NKAIN3: variants seen among roughly 807,000 people sequenced by gnomAD.
NKAIN3 encodes the protein sodium/potassium transporting ATPase interacting 3.
A neutral mutation model predicts 30.2 loss-of-function variants in NKAIN3; 25 were observed. The observed-to-expected ratio is 0.83, with a 90% confidence interval of 0.60 to 1.16. The LOEUF (loss-of-function observed/expected upper bound fraction) is 1.16. Among genes scored for constraint, NKAIN3 ranks in the 50% most tolerant of loss-of-function variants. NKAIN3 has a pLI of 0.00. For synonymous variants in NKAIN3, 91 were observed against 89.6 expected, an observed-to-expected ratio of 1.02 and a Z score of -0.09; for missense variants, 225 against 254.1, an observed-to-expected ratio of 0.89 and a Z score of 0.78.
At chr8:62,397,324 A>G (rs1246023512) in intron 1 of NKAIN3, among the ~76,000 whole-genome samples, 1 of 150,882 alleles carries the variant, frequency 6.6e-6, no homozygotes, top group Non-Finnish European at 1.5e-5. Flanking sequence ...TTTTGGTGGA[A>G]CAAAGATGTG....
At chr8:62,663,762 G>A (rs1475768686) in intron 3 of NKAIN3, among the ~76,000 whole-genome samples, 2 of 152,258 alleles carry the variant, frequency 1.3e-5, no homozygotes, top group South Asian at 2.1e-4. Flanking sequence ...CCAAGTGAAT[G>A]TTGTGGGACA....
chr8:62,401,032 T>TCTCTCTCTCTCTCTCTCC (rs1803850100), intron 1 of NKAIN3, among the ~76,000 whole-genome samples: 1 of 151,946 alleles, frequency 6.6e-6, no homozygotes, highest in Admixed American at 6.6e-5. Context: ...TCTCTCTCTC[T>TCTCTCTCTCTCTCTCTCC]CTCTCTACAT....
chr8:62,448,876 C>T (rs1207100964), intron 1 of NKAIN3, among the ~76,000 whole-genome samples: 1 of 151,790 alleles, frequency 6.6e-6, no homozygotes, highest in Non-Finnish European at 1.5e-5. Context: ...CAGCTTTTTT[C>T]CTTCTTTGGT....
Position 62,966,925 on chromosome 8 carries a change from ACT to A in NKAIN3, c.*1521_*1522del, listed in dbSNP as rs1260380842. Among the ~76,000 whole-genome samples, 1 of 151,958 alleles carries A rather than the reference ACT, an allele frequency of 6.6e-6. No individual in the cohort carries two copies. The highest frequency in any genetic ancestry group is 1.9e-4 in the East Asian group (1 of 5,198). ...TTTCGGAGCCTATAGGTTTCATGAG[ACT>A]CTGTTAAGAATCAGAGTTTAATGTG... is the stretch of plus-strand genomic sequence containing the variant. On this transcript the variant is annotated 3_prime_UTR_variant, in exon 7 of 7. Transcript: ENST00000623646.
At chr8:62,831,617 G>A (rs1819199710) in intron 4 of NKAIN3, among the ~76,000 whole-genome samples, 2 of 152,086 alleles carry the variant, frequency 1.3e-5, no homozygotes, top group South Asian at 4.1e-4. Context: ...AGACCAAGCA[G>A]AAGAAAGAAT....
chr8:62,326,539 C>CTATTAAATTATTATTTAATAAT (rs1288578283), intron 1 of NKAIN3, among the ~76,000 whole-genome samples: 56 of 151,606 alleles, frequency 3.7e-4, no homozygotes, highest in African/African-American at 4.8e-4. Context: ...GCAAAGCTCA[C>CTATTAAATTATTATTTAATAAT]TATTAAATTA....
In NKAIN3 at chr8:62,516,585, G is replaced by A. The variant is rs181641421; in HGVS notation, c.55-62954G>A. Among the ~76,000 whole-genome samples the A allele has an allele frequency of 1.8e-4, 27 of 152,158 alleles. No individual in the cohort carries two copies. In the East Asian group the frequency reaches 4.2e-3, roughly 24 times the overall value. On this transcript the variant is annotated intron_variant, in intron 1 of 6. Transcript: ENST00000623646. ...TATCAAATTTATATGTAAACTTGAG[G>A]AAAATTAAGATCTTTAAAGTGTGAA...
At chr8:62,258,046 T>A (rs1812314696) in intron 1 of NKAIN3, among the ~76,000 whole-genome samples, 1 of 152,106 alleles carries the variant, frequency 6.6e-6, no homozygotes, top group Admixed American at 6.6e-5. Flanking sequence ...TTTTATTTTA[T>A]TTTTTTACCT....
In NKAIN3 at chr8:62,966,193, G is replaced by A. The variant is rs77324155; in HGVS notation, c.*786G>A. On this transcript the variant is annotated 3_prime_UTR_variant, in exon 7 of 7. Coordinates refer to ENST00000623646, the MANE Select transcript of NKAIN3 (RefSeq NM_001304533.3). ...ACCTAAACATACAGCTCATGGGCTTGTGGGACAGAAATCACAAACATAGAC... is the reference window on the plus strand; with the variant it reads ...ACCTAAACATACAGCTCATGGGCTTATGGGACAGAAATCACAAACATAGAC... 1 of 985,174 alleles carries A rather than the reference G, an allele frequency of 1.0e-6. No individual in the cohort carries two copies. Among genetic ancestry groups the A allele is most frequent in the East Asian group, 1.1e-4 (1 of 8,802 alleles). 61.0% of individuals were successfully genotyped at this position (985,174 alleles called of 1,614,324 possible).
At chr8:62,362,965 T>A (rs1001630954) in intron 1 of NKAIN3, among the ~76,000 whole-genome samples, 1 of 152,134 alleles carries the variant, frequency 6.6e-6, no homozygotes, top group African/African-American at 2.4e-5. Flanking sequence ...CTCCCGAGAT[T>A]AAGGTAATGT....
intron 3 of NKAIN3, among the ~76,000 whole-genome samples, chr8:62,598,084 C>T (rs1364104742): frequency 6.6e-6 from 1 of 151,934 alleles, no homozygotes; most frequent in Non-Finnish European, 1.5e-5. Context: ...ATTATTTTTT[C>T]AGTTTCCTTA....
chr8:62,626,722 AATGAGACAGCAT>A (rs1811800650), intron 3 of NKAIN3, among the ~76,000 whole-genome samples: 1 of 152,122 alleles, frequency 6.6e-6, no homozygotes, highest in South Asian at 2.1e-4. Flanking sequence ...ATAAGTATTA[AATGAGACAGCAT>A]ATGTAAAGTG....
chr8:62,956,176 A>G (rs1823412727), intron 6 of NKAIN3, among the ~76,000 whole-genome samples: 1 of 152,006 alleles, frequency 6.6e-6, no homozygotes. Flanking sequence ...AGCCCGTTAT[A>G]TTGAATTCCA....
At chr8:62,855,070 T>C (rs1227525126) in intron 4 of NKAIN3, 1 of 153,174 alleles carries the variant, frequency 6.5e-6, no homozygotes, top group Non-Finnish European at 1.5e-5. Context: ...TTTTTTTGTT[T>C]GTTTGTTTGT....
intron 1 of NKAIN3, among the ~76,000 whole-genome samples, chr8:62,502,585 C>A (rs1807493646): frequency 6.6e-6 from 1 of 151,968 alleles, no homozygotes; most frequent in Non-Finnish European, 1.5e-5. Flanking sequence ...TTCCGACCTT[C>A]TTTTTCTTAA....
chr8:62,649,007 C>G (rs977319863), intron 3 of NKAIN3, among the ~76,000 whole-genome samples: 4 of 152,114 alleles, frequency 2.6e-5, no homozygotes, highest in Non-Finnish European at 5.9e-5. Context: ...TTAGAGCAAG[C>G]AGTTGATGAT....
chr8:62,799,528 C>T (rs1209246584), intron 4 of NKAIN3, among the ~76,000 whole-genome samples: 1 of 151,892 alleles, frequency 6.6e-6, no homozygotes, highest in African/African-American at 2.4e-5. Flanking sequence ...TGGACATAAT[C>T]AAAAAATCAA....
chr8:62,572,417 G>A (rs1809973350), intron 1 of NKAIN3, among the ~76,000 whole-genome samples: 1 of 152,124 alleles, frequency 6.6e-6, no homozygotes, highest in Non-Finnish European at 1.5e-5. Flanking sequence ...ACATCTTTCT[G>A]TGTTCTTTTG....
chr8:62,890,018 TC>T (rs1821256661), intron 4 of NKAIN3, among the ~76,000 whole-genome samples: 1 of 152,184 alleles, frequency 6.6e-6, no homozygotes. Context: ...ATATTCACCT[TC>T]CCAATTAGAG....
Sources: gnomAD v4.1 joint callset for allele counts (sites outside exome capture counted in the v4.1 genomes callset) on GRCh38, gnomAD v4.1.1 for gene constraint, MANE v1.5 for transcripts, NCBI Gene and HGNC (gene_info 2026-07-23, HGNC 2026-07-21) for gene names.